Variants in RAPGEF4 observed in about 807,000 individuals in gnomAD.
The protein encoded by RAPGEF4 is Rap guanine nucleotide exchange factor 4.
Under a neutral mutation model 147.9 loss-of-function variants are expected in RAPGEF4, and 66 were observed. The ratio of observed to expected loss-of-function variants is 0.45; its 90% confidence interval spans 0.37 to 0.55. RAPGEF4 has a LOEUF of 0.55. Ranked by LOEUF, RAPGEF4 falls within the 20% of genes least tolerant of loss-of-function variation. The pLI is 0.00. For missense variants in RAPGEF4, 1,071 were observed against 1,257.3 expected, an observed-to-expected ratio of 0.85 and a Z score of 2.24; for synonymous variants, 419 against 442.7, an observed-to-expected ratio of 0.95 and a Z score of 0.67.
At chr2:173,016,467 CT>C (rs775004136) in intron 19 of RAPGEF4, 30 bp downstream of exon 19, 3 of 1,539,524 alleles carry the variant, frequency 1.9e-6, no homozygotes, top group South Asian at 2.2e-5. Context: ...TGGGGGTGTG[CT>C]TTCATCAAGT....
chr2:172,813,714 A>G lies in RAPGEF4; in HGVS notation c.298-565A>G, dbSNP rs140457410. Among the ~76,000 whole-genome samples the G allele has an allele frequency of 3.9e-5, 6 of 152,244 alleles. No individual in the cohort carries two copies. In the East Asian group the frequency reaches 9.6e-4, roughly 24 times the overall value. On this transcript the variant is annotated intron_variant, in intron 3 of 30. Coordinates refer to ENST00000397081, the MANE Select transcript of RAPGEF4 (RefSeq NM_007023.4). ...AAAAAAAACTGAGCTCAGCTTCGAT[A>G]GATTTCTCCTCTTTTCTGAAAACAG...
chr2:172,736,053 C>T lies in RAPGEF4; in HGVS notation c.65+5C>T. On this transcript the variant is annotated splice_donor_5th_base_variant and intron_variant, in intron 1 of 30. Transcript: ENST00000397081. The stretch of plus-strand genomic sequence containing the variant: ...GATCGCCTGCCTGGATAAAAGGTAG[C>T]TCGCCGGGGGCCGCAGCCGGGGGCC... The T allele has an allele frequency of 7.6e-7, 1 of 1,322,086 alleles. No individual in the cohort carries two copies. The highest frequency in any genetic ancestry group is 3.7e-5 in the East Asian group (1 of 27,092). The allele number at this position is 1,322,086 out of a possible 1,614,324, so 81.9% of individuals were successfully genotyped here.
intron 13 of RAPGEF4, 48 bp from the exon 14 acceptor site, chr2:172,988,645 T>C: frequency 6.4e-7 from 1 of 1,559,836 alleles, no homozygotes; most frequent in Non-Finnish European, 8.8e-7. Flanking sequence ...GGTGGGTGTT[T>C]GCTCTATTTC....
intron 5 of RAPGEF4, among the ~76,000 whole-genome samples, chr2:172,918,647 A>G (rs1684373272): frequency 6.6e-6 from 1 of 152,036 alleles, no homozygotes; most frequent in Non-Finnish European, 1.5e-5. Flanking sequence ...ATGTCCCCTG[A>G]GTCTTTTGAT....
intron 1 of RAPGEF4, among the ~76,000 whole-genome samples, chr2:172,751,530 G>A (rs779116190): frequency 2.6e-5 from 4 of 152,160 alleles, no homozygotes; most frequent in Admixed American, 6.5e-5. Flanking sequence ...CTGCACTACT[G>A]TGTCAGGCAG....
At chr2:172,885,581 T>C (rs1697113914) in intron 4 of RAPGEF4, among the ~76,000 whole-genome samples, 1 of 152,192 alleles carries the variant, frequency 6.6e-6, no homozygotes, top group Non-Finnish European at 1.5e-5. Context: ...GCACTTCTTA[T>C]GTGGCGGCGG....
At chr2:172,821,715 G>A (rs1384143490) in intron 4 of RAPGEF4, 2 of 393,422 alleles carry the variant, frequency 5.1e-6, no homozygotes, top group African/African-American at 5.2e-5. Context: ...AGGGAGTGAA[G>A]TTATTAGGAG....
At chr2:172,986,065 T>G (rs1692215152) in intron 12 of RAPGEF4, among the ~76,000 whole-genome samples, 1 of 152,170 alleles carries the variant, frequency 6.6e-6, no homozygotes, top group African/African-American at 2.4e-5. Context: ...GAAAAGGAAA[T>G]TTGATGTGAA....
chr2:172,903,753 T>C (rs535637648), intron 4 of RAPGEF4, among the ~76,000 whole-genome samples: 13 of 152,164 alleles, frequency 8.5e-5, no homozygotes, highest in Non-Finnish European at 1.8e-4. Context: ...TTAAGACAGG[T>C]GAGTTATATA....
At chr2:172,893,568 A>G (rs1349811789) in intron 4 of RAPGEF4, among the ~76,000 whole-genome samples, 1 of 152,146 alleles carries the variant, frequency 6.6e-6, no homozygotes, top group African/African-American at 2.4e-5. Context: ...ATACTATACT[A>G]ACTTTATTTT....
chr2:172,758,100 C>A (rs181326104), intron 1 of RAPGEF4, among the ~76,000 whole-genome samples: 3 of 152,084 alleles, frequency 2.0e-5, no homozygotes, highest in East Asian at 3.9e-4. Context: ...ATAGGGTGGG[C>A]AGAATAGGGT....
intron 17 of RAPGEF4, among the ~76,000 whole-genome samples, chr2:173,009,702 TG>T (rs1007541762): frequency 2.6e-5 from 4 of 152,228 alleles, no homozygotes; most frequent in African/African-American, 9.6e-5. Context: ...GATTTAACAG[TG>T]TCTGCTCAGT....
chr2:172,857,972 A>T (rs1184608628), intron 4 of RAPGEF4, among the ~76,000 whole-genome samples: 10 of 149,916 alleles, frequency 6.7e-5, no homozygotes, highest in African/African-American at 2.5e-4. Flanking sequence ...TGATTCTTTT[A>T]GTGACTAAAA....
chr2:172,954,792 G>C (rs1452394017), intron 6 of RAPGEF4, among the ~76,000 whole-genome samples: 1 of 152,094 alleles, frequency 6.6e-6, no homozygotes. Flanking sequence ...CTACCTCCTA[G>C]AAATGTCCTC....
At chr2:172,999,835 G>T (rs1392778117) in intron 16 of RAPGEF4, among the ~76,000 whole-genome samples, 3 of 152,132 alleles carry the variant, frequency 2.0e-5, no homozygotes, top group Non-Finnish European at 2.9e-5. Context: ...AAGCAGAGAA[G>T]GTGCCAGACA....
At position 172,862,640 on chromosome 2, in the gene RAPGEF4, T is replaced by G. The variant is rs146594350; in HGVS notation, c.444+48215T>G. On this transcript the variant is annotated intron_variant, in intron 4 of 30. Coordinates refer to ENST00000397081, the MANE Select transcript of RAPGEF4 (RefSeq NM_007023.4). Reference sequence around the variant, plus strand: ...TCCTTGACTTTAAAGGTATTAAATATTAAATCCTTGTTATGGAGATGCTTA... The same window carrying G: ...TCCTTGACTTTAAAGGTATTAAATAGTAAATCCTTGTTATGGAGATGCTTA... Among the ~76,000 whole-genome samples the G allele has an allele frequency of 1.8e-4, 28 of 152,346 alleles. 1 individual carries two copies. The East Asian group carries it at 5.4e-3, about 29-fold the overall frequency.
chr2:173,026,594 G>A lies in RAPGEF4; in HGVS notation c.2276G>A (p.Gly759Asp), dbSNP rs1273263159. 1.2e-6 allele frequency: 2 copies of A among 1,613,466 alleles called. No homozygotes were observed. The highest frequency in any genetic ancestry group is 1.7e-5 in the Admixed American group (1 of 59,970). Residue 759 changes from glycine (G) to aspartate (D), a missense_variant, in exon 24 of 31, where the codon GGC (glycine) becomes GAC (aspartate). Coordinates refer to ENST00000397081, the MANE Select transcript of RAPGEF4 (RefSeq NM_007023.4). ...DSLTPLPEQEGPTVGTVGTFE... is the reference protein window; with the variant it reads ...DSLTPLPEQEDPTVGTVGTFE... ...TAGACTCCCTTACCAGAACAGGAAG[G>A]CCCAACTGTTGGAACAGTGGGAACT...
intron 6 of RAPGEF4, among the ~76,000 whole-genome samples, chr2:172,938,780 C>A (rs1231274450): frequency 6.6e-6 from 1 of 152,304 alleles, no homozygotes; most frequent in East Asian, 1.9e-4. Context: ...CATTACAGTA[C>A]AGTATCATAC....
chr2:172,999,686 T>C lies in RAPGEF4; in HGVS notation c.1580-1580T>C, dbSNP rs925400757. On this transcript the variant is annotated intron_variant, in intron 16 of 30. Coordinates refer to ENST00000397081, the MANE Select transcript of RAPGEF4 (RefSeq NM_007023.4). ...AATTAGATTTCCAGTGTTCATGTTTTTGATGAACTTACATTGGCAAAGTCT... is the reference window on the plus strand; with the variant it reads ...AATTAGATTTCCAGTGTTCATGTTTCTGATGAACTTACATTGGCAAAGTCT... Among the ~76,000 whole-genome samples the C allele has an allele frequency of 3.3e-5, 5 of 152,346 alleles. No individual in the cohort carries two copies. The East Asian group carries it at 9.6e-4, about 29-fold the overall frequency.
Sources: allele counts gnomAD v4.1 joint callset (sites outside exome capture counted in the v4.1 genomes callset), GRCh38; gene constraint gnomAD v4.1.1; transcripts MANE v1.5; gene names NCBI Gene and HGNC (gene_info 2026-07-23, HGNC 2026-07-21).